SAMD5: variants seen among roughly 807,000 people sequenced by gnomAD.
SAMD5 encodes sterile alpha motif domain containing 5, also known as sterile alpha motif domain-containing protein 5.
In SAMD5, 13 loss-of-function variants were observed where a neutral mutation model predicts 11.3. The observed-to-expected ratio is 1.15, with a 90% CI of 0.75 to 1.83. The LOEUF (loss-of-function observed/expected upper bound fraction) is 1.83, where lower values mean the gene tolerates loss of function less well. Among genes scored for constraint, SAMD5 ranks in the 40% most tolerant of loss-of-function variants. The probability of loss-of-function intolerance (pLI) is 0.00; values close to 1 mark genes in which losing one functional copy is unlikely to be tolerated. For synonymous variants in SAMD5, 129 were observed against 111.3 expected (o/e 1.16, Z -1.00); for missense variants, 255 against 239.1 (o/e 1.07, Z -0.44).
the SAMD5 span, among the ~76,000 whole-genome samples, chr6:147,784,671 A>T: frequency 6.6e-6 from 1 of 152,240 alleles, no homozygotes; most frequent in African/African-American, 2.4e-5. Context: ...AATGCCAGTG[A>T]TAACTAGCCA....
the SAMD5 span, among the ~76,000 whole-genome samples, chr6:147,752,723 T>C: frequency 6.6e-6 from 1 of 152,166 alleles, no homozygotes; most frequent in Non-Finnish European, 1.5e-5. Context: ...GATGACACCA[T>C]AGAGGGTCCT....
chr6:147,871,825 C>T, the SAMD5 span, among the ~76,000 whole-genome samples: 41 of 152,324 alleles, frequency 2.7e-4, no homozygotes, highest in Admixed American at 2.3e-3. Context: ...TCTTCCCCTA[C>T]TGTAATTCCT....
the SAMD5 span, among the ~76,000 whole-genome samples, chr6:147,938,686 ATCTT>A: frequency 2.0e-5 from 3 of 152,256 alleles, no homozygotes; most frequent in African/African-American, 4.8e-5. Flanking sequence ...GAGTCAGAAT[ATCTT>A]TCTTTTAGTA....
the SAMD5 span, among the ~76,000 whole-genome samples, chr6:147,914,673 A>G: frequency 6.6e-6 from 1 of 152,156 alleles, no homozygotes; most frequent in African/African-American, 2.4e-5. Context: ...GTTTGCATTG[A>G]CTTACAATAT....
At chr6:147,764,112 A>G in the SAMD5 span, among the ~76,000 whole-genome samples, 1 of 152,264 alleles carries the variant, frequency 6.6e-6, no homozygotes. Context: ...TAATTCTGGT[A>G]TACAATGCAA....
chr6:147,608,722 C>T (rs1416614443), intron 1 of SAMD5, among the ~76,000 whole-genome samples: 7 of 152,066 alleles, frequency 4.6e-5, no homozygotes, highest in Non-Finnish European at 8.8e-5. Flanking sequence ...TGAATAAGAC[C>T]TACTATTTGA....
chr6:147,574,635 G>T (rs1005999368), downstream of SAMD5, among the ~76,000 whole-genome samples: 8 of 152,170 alleles, frequency 5.3e-5, no homozygotes, highest in Non-Finnish European at 1.2e-4. Flanking sequence ...ACTTCTGGAG[G>T]CTGGGAAGTC....
At chr6:147,635,651 G>A (rs370944968) in intron 1 of SAMD5, among the ~76,000 whole-genome samples, 5 of 152,322 alleles carry the variant, frequency 3.3e-5, no homozygotes, top group South Asian at 2.1e-4. Context: ...GCTGACCACA[G>A]CCAATGGAAT....
chr6:147,935,413 C>A, the SAMD5 span, among the ~76,000 whole-genome samples: 1 of 152,132 alleles, frequency 6.6e-6, no homozygotes, highest in South Asian at 2.1e-4. Context: ...TAATGGGCAA[C>A]TTTACCTCTG....
At chr6:147,953,895 A>G in the SAMD5 span, 1 of 152,228 alleles carries the variant, frequency 6.6e-6, no homozygotes, top group Non-Finnish European at 1.5e-5. Context: ...TCATATTGCA[A>G]AAGATAATCA....
chr6:147,789,278 A>ACAC, the SAMD5 span, among the ~76,000 whole-genome samples: 8 of 141,106 alleles, frequency 5.7e-5, no homozygotes, highest in East Asian at 2.2e-4. Flanking sequence ...TCTCTAGAAA[A>ACAC]ACACACACAC....
chr6:147,893,326 A>G, the SAMD5 span, among the ~76,000 whole-genome samples: 1 of 152,216 alleles, frequency 6.6e-6, no homozygotes, highest in African/African-American at 2.4e-5. Context: ...GAGGAGTTAC[A>G]TCAGTTGCCC....
intron 1 of SAMD5, among the ~76,000 whole-genome samples, chr6:147,537,876 C>T (rs1391049352): frequency 6.6e-6 from 1 of 151,884 alleles, no homozygotes; most frequent in Non-Finnish European, 1.5e-5. Flanking sequence ...CCCTTTTTTC[C>T]TTGCCATTTA....
chr6:147,692,246 A>C (rs1791114703), intron 1 of SAMD5, among the ~76,000 whole-genome samples: 1 of 152,202 alleles, frequency 6.6e-6, no homozygotes. Flanking sequence ...AACCCTGCGC[A>C]ACTCTTACAG....
chr6:147,779,037 A>G, the SAMD5 span, among the ~76,000 whole-genome samples: 1 of 151,462 alleles, frequency 6.6e-6, no homozygotes, highest in African/African-American at 2.4e-5. Context: ...TGACCAAAAC[A>G]TGTCTATTTG....
intron 1 of SAMD5, among the ~76,000 whole-genome samples, chr6:147,726,533 C>CCCAGGT (rs1385215120): frequency 2.0e-5 from 3 of 152,130 alleles, no homozygotes; most frequent in East Asian, 1.9e-4. Context: ...CAGGCCCAGG[C>CCCAGGT]CCAGGTCCAG....
At chr6:147,911,300 T>C in the SAMD5 span, among the ~76,000 whole-genome samples, 7 of 152,216 alleles carry the variant, frequency 4.6e-5, no homozygotes, top group Non-Finnish European at 1.5e-5. Context: ...CTTATCTTAC[T>C]GCCTTCTGTT....
the SAMD5 span, among the ~76,000 whole-genome samples, chr6:147,819,341 G>A: frequency 6.6e-6 from 1 of 152,156 alleles, no homozygotes; most frequent in Non-Finnish European, 1.5e-5. Flanking sequence ...TGGAGGATAG[G>A]AGGAGAGAGA....
At chr6:147,737,509 C>A in exon 2 of SAMD5, 1 of 299,686 alleles carries the variant, frequency 3.3e-6, no homozygotes, top group Non-Finnish European at 6.8e-6. Flanking sequence ...TATGATGGCA[C>A]ATCCAAATAA....
Sources: gnomAD v4.1 joint callset for allele counts (sites outside exome capture counted in the v4.1 genomes callset) on GRCh38, gnomAD v4.1.1 for gene constraint, MANE v1.5 for transcripts, NCBI Gene and HGNC (gene_info 2026-07-23, HGNC 2026-07-21) for gene names.